The following NCALD variants were observed in gnomAD, a reference collection of about 807,000 sequenced individuals.
NCALD encodes neurocalcin-delta.
NCALD carries 10 observed loss-of-function variants against 18.6 expected under a neutral mutation model. That is an observed-to-expected ratio of 0.54 (90% CI 0.33 to 0.91). NCALD has a LOEUF of 0.91. Ranked by LOEUF, NCALD falls within the 40% of genes least tolerant of loss-of-function variation. NCALD has a pLI of 0.03. For synonymous variants in NCALD, 88 were observed against 87.4 expected (o/e 1.01, Z -0.04); for missense variants, 184 against 247.6 (o/e 0.74, Z 1.72).
At chr8:101,949,945 TTCA>T (rs1819325892) in intron 2 of NCALD, among the ~76,000 whole-genome samples, 2 of 152,302 alleles carry the variant, frequency 1.3e-5, no homozygotes, top group African/African-American at 4.8e-5. Flanking sequence ...CATCAGGCAC[TTCA>T]TCAAAGTTCT....
chr8:101,854,952 T>A (rs1267061304), intron 4 of NCALD, among the ~76,000 whole-genome samples: 1 of 152,100 alleles, frequency 6.6e-6, no homozygotes, highest in Admixed American at 6.5e-5. Flanking sequence ...TGGGGAAGAC[T>A]GGCATGCCCA....
In NCALD at chr8:102,074,708, T is replaced by C. The variant is rs867798836; in HGVS notation, c.-210+49529A>G. On this transcript the variant is annotated intron_variant, in intron 1 of 6. Coordinates refer to the NCALD transcript ENST00000311028. ...CACCTCTTCCTGTGGGCATATTTAC[T>C]TCCACACAATATTATTACTGATGTG... 5.3e-5 allele frequency among the ~76,000 whole-genome samples: 8 copies of C among 152,294 alleles called. 1 individual carries two copies. In the Middle Eastern group the frequency reaches 0.01, roughly 194 times the overall value.
intron 2 of NCALD, among the ~76,000 whole-genome samples, chr8:101,696,041 A>C (rs907543561): frequency 6.6e-6 from 1 of 151,988 alleles, no homozygotes; most frequent in African/African-American, 2.4e-5. Flanking sequence ...CCCCTTAAAG[A>C]CTTAATCTGT....
At chr8:101,914,252 G>A (rs921807057) in intron 3 of NCALD, among the ~76,000 whole-genome samples, 11 of 152,044 alleles carry the variant, frequency 7.2e-5, no homozygotes, top group South Asian at 2.1e-4. Flanking sequence ...GTAGCATGTC[G>A]CTCTACTGGA....
At chr8:101,799,866 A>G (rs944847691) in intron 4 of NCALD, among the ~76,000 whole-genome samples, 15 of 152,218 alleles carry the variant, frequency 9.9e-5, no homozygotes, top group South Asian at 4.1e-4. Flanking sequence ...TATCAATATC[A>G]ATATCCTGAT....
chr8:102,115,995 G>T (rs1825770907), intron 1 of NCALD, among the ~76,000 whole-genome samples: 1 of 151,582 alleles, frequency 6.6e-6, no homozygotes, highest in Non-Finnish European at 1.5e-5. Flanking sequence ...GATTTTAAGT[G>T]TTTGTTTATT....
At chr8:102,039,887 T>C (rs1822989741) in intron 1 of NCALD, among the ~76,000 whole-genome samples, 3 of 152,158 alleles carry the variant, frequency 2.0e-5, no homozygotes, top group African/African-American at 7.2e-5. Flanking sequence ...TCCCAACATG[T>C]GATATCTGTA....
At chr8:101,716,169 G>T (rs1816069256) in intron 2 of NCALD, among the ~76,000 whole-genome samples, 1 of 152,158 alleles carries the variant, frequency 6.6e-6, no homozygotes, top group African/African-American at 2.4e-5. Context: ...GTCCTTTGCT[G>T]GGACATGGAT....
chr8:101,827,251 C>T (rs759444721), intron 4 of NCALD, among the ~76,000 whole-genome samples: 6 of 152,172 alleles, frequency 3.9e-5, no homozygotes, highest in Non-Finnish European at 5.9e-5. Context: ...TCTCCCTCTG[C>T]CTTTTTCTTT....
intron 1 of NCALD, among the ~76,000 whole-genome samples, chr8:102,057,293 CATAT>C (rs1454946431): frequency 7.0e-6 from 1 of 143,772 alleles, no homozygotes; most frequent in African/African-American, 2.5e-5. Flanking sequence ...CACATATGTA[CATAT>C]AGATAGATAG....
intron 1 of NCALD, among the ~76,000 whole-genome samples, chr8:101,790,093 AT>A (rs1178876727): frequency 6.6e-6 from 1 of 152,090 alleles, no homozygotes; most frequent in Non-Finnish European, 1.5e-5. Context: ...AATTATGACG[AT>A]TTTTAAAAAT....
At chr8:102,106,464 TATACACACACACAC>T (rs1362418089) in intron 1 of NCALD, among the ~76,000 whole-genome samples, 2,552 of 138,606 alleles carry the variant, frequency 0.018, 107 homozygotes, top group African/African-American at 0.063. Context: ...TATATATATA[TATACACACACACAC>T]ACACACACAC....
At chr8:101,944,883 C>A (rs935034936) in intron 2 of NCALD, among the ~76,000 whole-genome samples, 1 of 152,234 alleles carries the variant, frequency 6.6e-6, no homozygotes, top group African/African-American at 2.4e-5. Context: ...GGTTCTTCTG[C>A]TCTTGCCCAC....
At chr8:101,730,875 T>G (rs1219026478) in intron 1 of NCALD, among the ~76,000 whole-genome samples, 2 of 152,188 alleles carry the variant, frequency 1.3e-5, no homozygotes, top group Non-Finnish European at 2.9e-5. Context: ...AAGCACCTGT[T>G]TTAATGGTGC....
At chr8:101,808,146 C>G (rs1439786710) in intron 4 of NCALD, among the ~76,000 whole-genome samples, 5 of 152,158 alleles carry the variant, frequency 3.3e-5, no homozygotes, top group Non-Finnish European at 7.4e-5. Context: ...TTCACAGGCT[C>G]TAGAAGATAC....
chr8:101,795,501 A>T (rs898007492), upstream of NCALD, among the ~76,000 whole-genome samples: 3 of 152,166 alleles, frequency 2.0e-5, no homozygotes, highest in Non-Finnish European at 4.4e-5. Context: ...ACATGGTAGG[A>T]CAGGCACACA....
At chr8:101,732,131 T>C (rs1816860475) in intron 1 of NCALD, among the ~76,000 whole-genome samples, 1 of 152,232 alleles carries the variant, frequency 6.6e-6, no homozygotes, top group South Asian at 2.1e-4. Flanking sequence ...GTTAAAACCT[T>C]ACTCTGGGAA....
In NCALD at chr8:102,088,341, T is replaced by C. The variant is rs189174878; in HGVS notation, c.-210+35896A>G. Among the ~76,000 whole-genome samples the C allele has an allele frequency of 1.8e-3, 271 of 152,346 alleles. 3 individuals carry two copies. The highest frequency in any genetic ancestry group is 6.2e-3 in the African/African-American group (258 of 41,582). ...CACAAACTGTCTTGAATTTCCTTTC[T>C]TAGAGTACCTGTGAGGTTACTTTTA... On this transcript the variant is annotated intron_variant, in intron 1 of 6. Transcript: ENST00000311028.
intron 2 of NCALD, among the ~76,000 whole-genome samples, chr8:102,003,077 C>A (rs1202432303): frequency 6.6e-6 from 1 of 151,956 alleles, no homozygotes; most frequent in Non-Finnish European, 1.5e-5. Context: ...TTCAAAAAAT[C>A]AATGAATCCA....
Sources: allele counts gnomAD v4.1 joint callset (sites outside exome capture counted in the v4.1 genomes callset), GRCh38; gene constraint gnomAD v4.1.1; transcripts MANE v1.5; gene names NCBI Gene and HGNC (gene_info 2026-07-23, HGNC 2026-07-21).